The following ADGRB3 variants were observed in gnomAD, a reference collection of about 807,000 sequenced individuals.
ADGRB3 encodes the protein brain-specific angiogenesis inhibitor 3.
ADGRB3 carries 37 observed loss-of-function variants against 193.4 expected under a neutral mutation model. The ratio of observed to expected loss-of-function variants is 0.19; its 90% CI spans 0.15 to 0.25. The LOEUF is 0.25. ADGRB3 is among the 10% of genes least tolerant of loss of function. ADGRB3 has a pLI of 1.00. For missense variants in ADGRB3, 1,637 were observed against 1,852.9 expected (o/e 0.88, Z 2.14); for synonymous variants, 690 against 644.2 (o/e 1.07, Z -1.08).
At chr6:69,379,593 C>A (rs555924264) in intron 30 of ADGRB3, among the ~76,000 whole-genome samples, 2 of 152,078 alleles carry the variant, frequency 1.3e-5, no homozygotes, top group South Asian at 4.1e-4. Flanking sequence ...GTGAAGCTGG[C>A]ATTCTTATCA....
chr6:69,348,288 G>C (rs1000207299), intron 26 of ADGRB3, among the ~76,000 whole-genome samples: 2 of 152,014 alleles, frequency 1.3e-5, no homozygotes, highest in Non-Finnish European at 2.9e-5. Context: ...TCTTCTGCAG[G>C]ATCCTCACAC....
intron 6 of ADGRB3, among the ~76,000 whole-genome samples, chr6:68,948,997 T>A (rs905937529): frequency 2.0e-5 from 3 of 152,046 alleles, no homozygotes; most frequent in African/African-American, 7.2e-5. Context: ...TGAAATGGAG[T>A]CAGTATTAAT....
At chr6:69,133,202 AATT>A (rs1410990107) in intron 17 of ADGRB3, among the ~76,000 whole-genome samples, 1 of 152,036 alleles carries the variant, frequency 6.6e-6, no homozygotes, top group East Asian at 1.9e-4. Flanking sequence ...TGAATCTATA[AATT>A]ACTTTGGGCA....
intron 3 of ADGRB3, among the ~76,000 whole-genome samples, chr6:68,836,520 A>C (rs1258172671): frequency 2.0e-5 from 3 of 152,162 alleles, no homozygotes; most frequent in Admixed American, 6.6e-5. Context: ...AGCATCTTCA[A>C]CTTGAGGTTC....
At chr6:69,172,859 G>T (rs930555904) in intron 17 of ADGRB3, among the ~76,000 whole-genome samples, 1 of 151,812 alleles carries the variant, frequency 6.6e-6, no homozygotes, top group Non-Finnish European at 1.5e-5. Flanking sequence ...GGCACTCTGG[G>T]CTGAGAGAGC....
At chr6:68,671,738 C>T (rs1017990526) in intron 3 of ADGRB3, among the ~76,000 whole-genome samples, 3 of 151,570 alleles carry the variant, frequency 2.0e-5, no homozygotes, top group South Asian at 2.1e-4. Flanking sequence ...TGTTTTGATG[C>T]GTCTTTGTCT....
chr6:68,975,725 G>A (rs1582364252), intron 10 of ADGRB3, among the ~76,000 whole-genome samples: 1 of 152,062 alleles, frequency 6.6e-6, no homozygotes, highest in African/African-American at 2.4e-5. Flanking sequence ...GCAGTAGTTG[G>A]ACAGTGATAA....
chr6:69,256,714 G>A (rs1289653154), intron 20 of ADGRB3, among the ~76,000 whole-genome samples: 2 of 152,092 alleles, frequency 1.3e-5, no homozygotes, highest in Non-Finnish European at 2.9e-5. Context: ...CTGCCTAATT[G>A]CCCTGGCCAG....
At chr6:69,003,359 A>G (rs544754718) in intron 11 of ADGRB3, among the ~76,000 whole-genome samples, 1 of 152,074 alleles carries the variant, frequency 6.6e-6, no homozygotes, top group Admixed American at 6.6e-5. Context: ...TTCACTTATT[A>G]TGGAAGAAAA....
intron 3 of ADGRB3, among the ~76,000 whole-genome samples, chr6:68,750,321 A>G (rs1169452549): frequency 1.3e-5 from 2 of 152,158 alleles, no homozygotes; most frequent in African/African-American, 2.4e-5. Context: ...TACAATTACA[A>G]TCTATGTGAC....
chr6:69,068,307 A>G (rs1296785988), intron 16 of ADGRB3, among the ~76,000 whole-genome samples: 3 of 152,220 alleles, frequency 2.0e-5, no homozygotes, highest in Non-Finnish European at 4.4e-5. Context: ...AATTAGTATT[A>G]GGACATATCA....
At chr6:68,826,126 C>T (rs590889) in intron 3 of ADGRB3, among the ~76,000 whole-genome samples, 31,888 of 151,904 alleles carry the variant, frequency 0.21, 4,001 homozygotes, top group East Asian at 0.6. Context: ...GTGAGCGAAA[C>T]AGACAAAACC....
At chr6:69,014,263 A>G (rs1770025865) in intron 12 of ADGRB3, among the ~76,000 whole-genome samples, 157 bp downstream of exon 12, 1 of 152,088 alleles carries the variant, frequency 6.6e-6, no homozygotes, top group African/African-American at 2.4e-5. Flanking sequence ...GATCGTTACC[A>G]TACCAGTCTG....
intron 3 of ADGRB3, among the ~76,000 whole-genome samples, chr6:68,674,790 A>G (rs1228343744): frequency 6.6e-6 from 1 of 152,184 alleles, no homozygotes; most frequent in Non-Finnish European, 1.5e-5. Flanking sequence ...AGCTGAAATA[A>G]TTTTTCCAGA....
intron 3 of ADGRB3, among the ~76,000 whole-genome samples, chr6:68,830,755 A>C (rs1301843993): frequency 6.6e-6 from 1 of 152,176 alleles, no homozygotes; most frequent in African/African-American, 2.4e-5. Flanking sequence ...GTACAAAGGC[A>C]TGGAAGATGA....
At chr6:69,068,209 G>C (rs1771966120) in intron 16 of ADGRB3, among the ~76,000 whole-genome samples, 1 of 152,126 alleles carries the variant, frequency 6.6e-6, no homozygotes, top group African/African-American at 2.4e-5. Flanking sequence ...ATCTATGACT[G>C]TGCTGTGTTA....
At chr6:68,981,196 G>C (rs1428620058) in intron 10 of ADGRB3, among the ~76,000 whole-genome samples, 1 of 151,522 alleles carries the variant, frequency 6.6e-6, no homozygotes, top group Non-Finnish European at 1.5e-5. Flanking sequence ...ACAAGGAAAA[G>C]TTAGAGTATT....
chr6:68,738,545 G>A (rs147329964), intron 3 of ADGRB3, among the ~76,000 whole-genome samples: 1 of 152,096 alleles, frequency 6.6e-6, no homozygotes, highest in Non-Finnish European at 1.5e-5. Context: ...AGAGGGAGAA[G>A]GTCGTGAAGA....
chr6:68,874,033 G>A (rs1765525967), intron 3 of ADGRB3, among the ~76,000 whole-genome samples: 1 of 152,032 alleles, frequency 6.6e-6, no homozygotes, highest in Admixed American at 6.6e-5. Flanking sequence ...ATCTCTGGAT[G>A]CTAATATTCC....
Sources: allele counts gnomAD v4.1 joint callset (sites outside exome capture counted in the v4.1 genomes callset), GRCh38; gene constraint gnomAD v4.1.1; transcripts MANE v1.5; gene names NCBI Gene and HGNC (gene_info 2026-07-23, HGNC 2026-07-21).